ANKMY2: variants seen among roughly 807,000 people sequenced by gnomAD.
ANKMY2 encodes ankyrin repeat and MYND domain-containing protein 2.
A neutral mutation model predicts 50.4 loss-of-function variants in ANKMY2; 36 were observed. That is an observed-to-expected ratio of 0.71 (90% CI 0.55 to 0.94). ANKMY2 has a LOEUF of 0.94. ANKMY2 is among the 40% of genes least tolerant of loss of function. The pLI, the probability that ANKMY2 is intolerant of heterozygous loss-of-function variation, is 0.00. For missense variants in ANKMY2, 565 were observed against 524.0 expected (o/e 1.08, Z -0.76); for synonymous variants, 187 against 178.8 (o/e 1.05, Z -0.36).
In ANKMY2 at chr7:16,615,793, GC is replaced by G; in HGVS notation, c.481del (p.Ala161GlnfsTer19). 1 of 1,614,206 alleles carries G rather than the reference GC, an allele frequency of 6.2e-7. No individual in the cohort carries two copies. Among genetic ancestry groups the G allele is most frequent in the Non-Finnish European group, 8.5e-7 (1 of 1,180,030 alleles). Reference sequence around the variant, plus strand: ...GGTGATAATTTTGTGCAGCGGGCCTGCCAACTTTGGGGGCAGTTTTGGCTCT... The same window carrying G: ...GGTGATAATTTTGTGCAGCGGGCCTGCAACTTTGGGGGCAGTTTTGGCTCT... ...DKEPKLPPKL[A>X]GPLHKIITTT... On this transcript the variant is annotated frameshift_variant, in exon 5 of 10. Transcript: ENST00000306999. LOFTEE classifies it high-confidence loss of function.
At chr7:16,623,197 A>G (rs920295255) in intron 4 of ANKMY2, among the ~76,000 whole-genome samples, 6 of 152,224 alleles carry the variant, frequency 3.9e-5, no homozygotes, top group Admixed American at 1.3e-4. Flanking sequence ...GAAGGAAACA[A>G]AAAGGGGAGA....
chr7:16,625,767 CA>C (rs1781498685), intron 3 of ANKMY2, among the ~76,000 whole-genome samples: 1 of 152,112 alleles, frequency 6.6e-6, no homozygotes, highest in African/African-American at 2.4e-5. Flanking sequence ...TGCACTCCCC[CA>C]AATAGTGTAA....
intron 6 of ANKMY2, 113 bp downstream of exon 6, chr7:16,610,436 C>T: frequency 1.3e-6 from 1 of 798,402 alleles, no homozygotes; most frequent in Non-Finnish European, 2.0e-6. Flanking sequence ...GTGAGTCCAA[C>T]AACAGCAATT....
chr7:16,644,879 C>G, intron 1 of ANKMY2: 1 of 352,146 alleles, frequency 2.8e-6, no homozygotes, highest in Non-Finnish European at 5.7e-6. Flanking sequence ...CAACGTGGGC[C>G]GAGGGGTGGG....
chr7:16,645,503 G>A lies in ANKMY2; in HGVS notation c.67+4C>T. 2 of 1,609,938 alleles carry A rather than the reference G, an allele frequency of 1.2e-6. No individual in the cohort carries two copies. Among genetic ancestry groups the A allele is most frequent in the Non-Finnish European group, 1.7e-6 (2 of 1,178,236 alleles). On this transcript the variant is annotated splice_donor_region_variant and intron_variant, in intron 1 of 9. Transcript: ENST00000306999. ...GCGGCCGCGTCGCAGCCCAGCACCCGTACCTTTCCCGATGACTTCCAGTAG... is the reference window on the plus strand; with the variant it reads ...GCGGCCGCGTCGCAGCCCAGCACCCATACCTTTCCCGATGACTTCCAGTAG...
rs34755603 is a variant in ANKMY2, at chr7:16,636,457, TAA to T, written c.68-4_68-3del. ...ATGTTCCAGCTTCTTGGACAGTACC[TAA>T]AAAAAAAAAAAAGATGAAAAGTAAG... On this transcript the variant is annotated splice_region_variant and splice_polypyrimidine_tract_variant and intron_variant, in intron 1 of 9. Coordinates refer to ENST00000306999, the MANE Select transcript of ANKMY2 (RefSeq NM_020319.3). 5.1e-3 allele frequency: 6,876 copies of T among 1,359,608 alleles called. No homozygotes were observed. The highest frequency in any genetic ancestry group is 8.8e-3 in the South Asian group (627 of 71,360). The allele number at this position is 1,359,608 out of a possible 1,614,324, so 84.2% of individuals were successfully genotyped here.
chr7:16,644,126 A>C (rs933707313), intron 1 of ANKMY2, among the ~76,000 whole-genome samples: 18 of 152,184 alleles, frequency 1.2e-4, no homozygotes, highest in Non-Finnish European at 2.5e-4. Flanking sequence ...CTTTTTGCCC[A>C]GCACAGTACC....
intron 2 of ANKMY2, among the ~76,000 whole-genome samples, chr7:16,632,018 C>A (rs6956166): frequency 0.035 from 5,311 of 152,010 alleles, 162 homozygotes; most frequent in African/African-American, 0.084. Context: ...TTATGACAAT[C>A]TTCTTTATAA....
intron 2 of ANKMY2, among the ~76,000 whole-genome samples, chr7:16,628,397 C>A (rs1219990966): frequency 6.6e-6 from 1 of 152,010 alleles, no homozygotes; most frequent in Non-Finnish European, 1.5e-5. Context: ...AGAGGCAACT[C>A]CGTGGAAGCA....
intron 4 of ANKMY2, among the ~76,000 whole-genome samples, chr7:16,618,547 T>C (rs1781390566): frequency 6.6e-6 from 1 of 152,190 alleles, no homozygotes. Context: ...TTTTATTAAG[T>C]ACCAGAACAC....
At chr7:16,630,493 C>G (rs1345855930) in intron 2 of ANKMY2, among the ~76,000 whole-genome samples, 1 of 152,212 alleles carries the variant, frequency 6.6e-6, no homozygotes, top group African/African-American at 2.4e-5. Flanking sequence ...TAAAGTTCCT[C>G]TCCCATAATT....
chr7:16,617,986 C>T (rs949761795), intron 4 of ANKMY2, among the ~76,000 whole-genome samples: 10 of 142,878 alleles, frequency 7.0e-5, no homozygotes, highest in Non-Finnish European at 1.3e-4. Flanking sequence ...GTAGTGCAGT[C>T]ACGTGATCTT....
At chr7:16,609,894 G>C (rs201987633) in intron 6 of ANKMY2, 129 bp from the exon 7 acceptor site, 3 of 1,155,992 alleles carry the variant, frequency 2.6e-6, no homozygotes, top group Non-Finnish European at 3.6e-6. Flanking sequence ...TCATGATGAC[G>C]GGCTCAGTTC....
chr7:16,619,043 C>T (rs1381944897), intron 4 of ANKMY2, among the ~76,000 whole-genome samples: 2 of 152,144 alleles, frequency 1.3e-5, no homozygotes, highest in African/African-American at 4.8e-5. Flanking sequence ...CTCATCAGTC[C>T]TCCAACTAGT....
At position 16,604,878 on chromosome 7, in the gene ANKMY2, C is replaced by G. The variant is rs764746423; in HGVS notation, c.883-29G>C. 9 of 1,589,828 alleles carry G rather than the reference C, an allele frequency of 5.7e-6. No individual in the cohort carries two copies. In the South Asian group the frequency reaches 5.7e-5, roughly 10 times the overall value. On this transcript the variant is annotated intron_variant, in intron 7 of 9. Transcript: ENST00000306999. ...GAGTGGGCATGAAGAGGAGAAAAAACAAATTCTGAAATCACCATGGAAACA... is the reference window on the plus strand; with the variant it reads ...GAGTGGGCATGAAGAGGAGAAAAAAGAAATTCTGAAATCACCATGGAAACA...
chr7:16,643,592 A>C (rs6949300), intron 1 of ANKMY2, among the ~76,000 whole-genome samples: 76,865 of 150,402 alleles, frequency 0.51, 20,304 homozygotes, highest in Admixed American at 0.58. Context: ...ACCAGAATAA[A>C]TGCACATTAA....
intron 5 of ANKMY2, 39 bp from the exon 6 acceptor site, chr7:16,610,802 C>A (rs572570): frequency 6.4e-7 from 1 of 1,570,370 alleles, no homozygotes; most frequent in Non-Finnish European, 8.7e-7. Context: ...TTAAAGGAGA[C>A]ACTTGTTCAT....
At chr7:16,623,447 G>T (rs1268792607) in intron 4 of ANKMY2, among the ~76,000 whole-genome samples, 1 of 152,136 alleles carries the variant, frequency 6.6e-6, no homozygotes, top group Non-Finnish European at 1.5e-5. Flanking sequence ...TCCATTTCCA[G>T]ACCTGTGATC....
intron 8 of ANKMY2, chr7:16,603,667 G>A (rs1204816344): frequency 2.1e-6 from 1 of 471,140 alleles, no homozygotes; most frequent in Admixed American, 2.3e-5. Context: ...TGCACTGAAG[G>A]GGAGGAGACT....
Sources: allele counts gnomAD v4.1 joint callset (sites outside exome capture counted in the v4.1 genomes callset), GRCh38; gene constraint gnomAD v4.1.1; transcripts MANE v1.5; gene names NCBI Gene and HGNC (gene_info 2026-07-23, HGNC 2026-07-21).